Variants in FAT4 observed in about 807,000 individuals in gnomAD.
FAT4 encodes the protein FAT atypical cadherin 4.
Under a neutral mutation model 303.9 loss-of-function variants are expected in FAT4, and 84 were observed. The observed-to-expected ratio is 0.28, with a 90% CI of 0.23 to 0.33. The LOEUF (loss-of-function observed/expected upper bound fraction) is 0.33, where lower values mean the gene tolerates loss of function less well. FAT4 is among the 10% of genes least tolerant of loss of function. FAT4 has a pLI of 1.00. For synonymous variants in FAT4, 2,307 were observed against 2,298.8 expected, an observed-to-expected ratio of 1.00 and a Z score of -0.10; for missense variants, 6,005 against 6,146.8, an observed-to-expected ratio of 0.98 and a Z score of 0.77.
chr4:125,440,608 TGTGAGAGAGAGAGAGAGA>T (rs1725623604), intron 8 of FAT4, among the ~76,000 whole-genome samples: 1 of 57,326 alleles, frequency 1.7e-5, no homozygotes, highest in Non-Finnish European at 3.2e-5. Context: ...TGTGTGTGTG[TGTGAGAGAGAGAGAGAGA>T]GAGAGAGAGA....
chr4:125,360,214 A>G (rs1732600144), intron 2 of FAT4, among the ~76,000 whole-genome samples: 1 of 152,108 alleles, frequency 6.6e-6, no homozygotes, highest in Non-Finnish European at 1.5e-5. Context: ...CCACTACTCC[A>G]GGAATTAACA....
chr4:125,353,211 A>G (rs1473539474), intron 2 of FAT4, among the ~76,000 whole-genome samples: 1 of 151,746 alleles, frequency 6.6e-6, no homozygotes, highest in African/African-American at 2.4e-5. Flanking sequence ...TTCTTCATTC[A>G]ATCAGTTTTA....
At position 125,408,595 on chromosome 4, in the gene FAT4, A is replaced by C. The variant is rs145529167; in HGVS notation, c.5721A>C (p.Glu1907Asp). 13 of 1,612,890 alleles carry C rather than the reference A, an allele frequency of 8.1e-6. No individual in the cohort carries two copies. In the African/African-American group the frequency reaches 1.7e-4, roughly 22 times the overall value. The change falls in exon 5 of 18, where the codon GAA (glutamate) becomes GAC (aspartate). Residue 1907 changes from glutamate to aspartate, a missense_variant. Coordinates refer to ENST00000394329, the MANE Select transcript of FAT4 (RefSeq NM_001291303.3). ...VFNLTRLLDY[E>D]VQQYYILTVR... ...ATTTGACTCGATTATTAGATTATGA[A>C]GTACAGCAATATTATATCCTCACTG...
intron 11 of FAT4, 112 bp downstream of exon 11, chr4:125,463,779 A>G (rs1223015901): frequency 3.6e-6 from 2 of 549,282 alleles, no homozygotes; most frequent in African/African-American, 3.8e-5. Context: ...TTTACATGGA[A>G]GGTTTTATTA....
chr4:125,339,854 T>C (rs970972633), intron 2 of FAT4, among the ~76,000 whole-genome samples: 1 of 152,116 alleles, frequency 6.6e-6, no homozygotes, highest in African/African-American at 2.4e-5. Context: ...GATAAAGATA[T>C]CGGTTTGGAA....
At position 125,450,458 on chromosome 4, in the gene FAT4, C is replaced by T; in HGVS notation, c.9448C>T (p.Leu3150=). The T allele has an allele frequency of 5.0e-6, 8 of 1,614,084 alleles. No homozygotes were observed. Among genetic ancestry groups the T allele is most frequent in the Non-Finnish European group, 6.8e-6 (8 of 1,180,006 alleles). The change falls in exon 10 of 18, where the codon CTA becomes TTA. Residue 3150 remains leucine (L), a synonymous_variant. Transcript: ENST00000394329. The part of the protein sequence containing the change: ...AINSSTGILT[L]AKALDYELCQ... ...CAATTCTTCTACAGGTATATTAACA[C>T]TAGCCAAAGCTCTTGATTATGAGCT...
Position 125,490,117 on chromosome 4 carries a change from C to T in FAT4, c.13301C>T (p.Ser4434Phe). Residue 4434 changes from serine to phenylalanine, a missense_variant, in exon 18 of 18, where the codon TCC (serine) becomes TTC (phenylalanine). Ser to Phe is a radical substitution (Grantham distance 155, BLOSUM62 -2). Coordinates refer to ENST00000394329, the MANE Select transcript of FAT4 (RefSeq NM_001291303.3). ...YRCVPPGDCA[S>F]HPCQNGGSCE... Reference sequence around the variant, plus strand: ...TGTGTCCCTCCTGGGGACTGTGCCTCCCACCCGTGCCAGAATGGTGGCAGC... The same window carrying T: ...TGTGTCCCTCCTGGGGACTGTGCCTTCCACCCGTGCCAGAATGGTGGCAGC... 6.2e-7 allele frequency: 1 copy of T among 1,614,036 alleles called. No individual in the cohort carries two copies. The highest frequency in any genetic ancestry group is 8.5e-7 in the Non-Finnish European group (1 of 1,180,000).
At chr4:125,455,536 A>T (rs1470799639) in intron 10 of FAT4, among the ~76,000 whole-genome samples, 1 of 152,196 alleles carries the variant, frequency 6.6e-6, no homozygotes, top group Non-Finnish European at 1.5e-5. Flanking sequence ...GGATATTATG[A>T]TTATTGTTCC....
At chr4:125,353,810 T>A (rs1732324577) in intron 2 of FAT4, among the ~76,000 whole-genome samples, 3 of 151,654 alleles carry the variant, frequency 2.0e-5, no homozygotes, top group Admixed American at 1.3e-4. Context: ...AAATTCCAAA[T>A]GAAGACTAAG....
Position 125,315,976 on chromosome 4 carries a change from G to C in FAT4, c.-14G>C, listed in dbSNP as rs1560751197. Reference sequence around the variant, plus strand: ...CCTCCCTCTTCACGTTCTTCGCTGCGGGTAAGTTCTAAAGTTTCTGAAGAC... The same window carrying C: ...CCTCCCTCTTCACGTTCTTCGCTGCCGGTAAGTTCTAAAGTTTCTGAAGAC... On this transcript the variant is annotated splice_region_variant and 5_prime_UTR_variant, in exon 1 of 18. Coordinates refer to ENST00000394329, the MANE Select transcript of FAT4 (RefSeq NM_001291303.3). Among the ~76,000 whole-genome samples, 1 of 152,154 alleles carries C rather than the reference G, an allele frequency of 6.6e-6. No individual in the cohort carries two copies. Among genetic ancestry groups the C allele is most frequent in the African/African-American group, 2.4e-5 (1 of 41,434 alleles).
At chr4:125,483,127 G>C (rs1305647817) in intron 16 of FAT4, among the ~76,000 whole-genome samples, 2 of 152,152 alleles carry the variant, frequency 1.3e-5, no homozygotes, top group Non-Finnish European at 2.9e-5. Context: ...TCCCTTACAA[G>C]AGAACATCTT....
chr4:125,348,778 A>G (rs1732103732), intron 2 of FAT4, among the ~76,000 whole-genome samples: 1 of 151,710 alleles, frequency 6.6e-6, no homozygotes, highest in South Asian at 2.1e-4. Context: ...TCTTTTTCCT[A>G]AAAGGGTGTG....
chr4:125,428,221 C>A (rs1224313064), intron 7 of FAT4, among the ~76,000 whole-genome samples: 2 of 151,960 alleles, frequency 1.3e-5, no homozygotes, highest in Admixed American at 1.3e-4. Context: ...TCGCTTGAAC[C>A]CGGGAGGCGG....
At chr4:125,430,022 G>C (rs2126040384) in intron 7 of FAT4, among the ~76,000 whole-genome samples, 1 of 152,306 alleles carries the variant, frequency 6.6e-6, no homozygotes, top group African/African-American at 2.4e-5. Flanking sequence ...GGGGTGGGAT[G>C]AGGGGGGAGG....
chr4:125,457,249 A>G (rs1726315269), intron 10 of FAT4, among the ~76,000 whole-genome samples: 1 of 152,100 alleles, frequency 6.6e-6, no homozygotes, highest in Non-Finnish European at 1.5e-5. Flanking sequence ...CTTTATCCCC[A>G]GAATCCCCTA....
At chr4:125,421,472 C>T (rs926460615) in intron 7 of FAT4, among the ~76,000 whole-genome samples, 1 of 152,044 alleles carries the variant, frequency 6.6e-6, no homozygotes, top group Non-Finnish European at 1.5e-5. Context: ...GTAATTTGTC[C>T]AGACCTTTTA....
intron 2 of FAT4, among the ~76,000 whole-genome samples, chr4:125,358,856 A>G (rs1732538660): frequency 6.6e-6 from 1 of 152,140 alleles, no homozygotes; most frequent in Non-Finnish European, 1.5e-5. Context: ...TATAGTTAGT[A>G]GAAGGAAAGA....
intron 7 of FAT4, among the ~76,000 whole-genome samples, chr4:125,431,852 G>C (rs1197201049): frequency 8.3e-6 from 1 of 120,848 alleles, no homozygotes; most frequent in African/African-American, 3.0e-5. Context: ...TATTCCCTAG[G>C]TAATTTTTTT....
At chr4:125,352,354 G>A (rs1732258504) in intron 2 of FAT4, among the ~76,000 whole-genome samples, 1 of 151,436 alleles carries the variant, frequency 6.6e-6, no homozygotes, top group South Asian at 2.1e-4. Flanking sequence ...ATTTCAATCA[G>A]TATAGCTCCA....
Sources: allele counts gnomAD v4.1 joint callset (sites outside exome capture counted in the v4.1 genomes callset), GRCh38; gene constraint gnomAD v4.1.1; transcripts MANE v1.5; gene names NCBI Gene and HGNC (gene_info 2026-07-23, HGNC 2026-07-21).